The following NKAIN2 variants were observed in gnomAD, a reference collection of about 807,000 sequenced individuals.
The protein encoded by NKAIN2 is sodium/potassium-transporting ATPase subunit beta-1-interacting protein 2.
NKAIN2 carries 14 observed loss-of-function variants against 32.6 expected under a neutral mutation model. The observed-to-expected ratio is 0.43, with a 90% CI of 0.28 to 0.67. The LOEUF is 0.67. Among genes scored for constraint, NKAIN2 ranks in the 30% least tolerant of loss-of-function variants. The probability of loss-of-function intolerance (pLI) is 0.17; values close to 1 mark genes in which losing one functional copy is unlikely to be tolerated. For synonymous variants in NKAIN2, 80 were observed against 87.2 expected (o/e 0.92, Z 0.46); for missense variants, 198 against 258.3 (o/e 0.77, Z 1.60).
intron 1 of NKAIN2, among the ~76,000 whole-genome samples, chr6:124,077,155 G>A (rs750209961): frequency 1.3e-4 from 20 of 152,278 alleles, no homozygotes; most frequent in Admixed American, 5.2e-4. Flanking sequence ...ATCAGTTACT[G>A]TTTTGTGCTG....
At chr6:124,215,246 G>A (rs1791407149) in intron 1 of NKAIN2, among the ~76,000 whole-genome samples, 1 of 152,084 alleles carries the variant, frequency 6.6e-6, no homozygotes. Flanking sequence ...CTCAGGAAAT[G>A]TAGCCAAACT....
At chr6:124,632,196 T>A (rs1783596486) in intron 3 of NKAIN2, among the ~76,000 whole-genome samples, 1 of 152,194 alleles carries the variant, frequency 6.6e-6, no homozygotes, top group South Asian at 2.1e-4. Flanking sequence ...GTAATTCTTT[T>A]CACAAGACTT....
chr6:123,994,742 G>A lies in NKAIN2; in HGVS notation c.54+190488G>A, dbSNP rs754793323. On this transcript the variant is annotated intron_variant, in intron 1 of 6. Coordinates refer to ENST00000368417, the MANE Select transcript of NKAIN2 (RefSeq NM_001040214.3). ...ATTAAAGTTTGATTTACTGTTAAAC[G>A]TATTAAATGTGATATCCCTCCATAC... Among the ~76,000 whole-genome samples the A allele has an allele frequency of 3.9e-5, 6 of 152,172 alleles. No homozygotes were observed. The East Asian group carries it at 9.7e-4, about 24-fold the overall frequency.
intron 1 of NKAIN2, among the ~76,000 whole-genome samples, chr6:124,148,669 G>A (rs1787550867): frequency 2.6e-5 from 4 of 152,028 alleles, no homozygotes; most frequent in Admixed American, 2.6e-4. Flanking sequence ...TTTCATTATA[G>A]AACAATATTT....
At chr6:124,737,174 A>T (rs193005439) in intron 4 of NKAIN2, among the ~76,000 whole-genome samples, 2 of 151,970 alleles carry the variant, frequency 1.3e-5, no homozygotes, top group African/African-American at 4.8e-5. Flanking sequence ...TAGCCACCCA[A>T]ATCTCATCTT....
At chr6:124,106,897 GTCAC>G (rs1481991023) in intron 1 of NKAIN2, among the ~76,000 whole-genome samples, 3 of 152,140 alleles carry the variant, frequency 2.0e-5, no homozygotes, top group Admixed American at 1.3e-4. Flanking sequence ...TGGAAAGAGA[GTCAC>G]TCACACACAA....
chr6:124,584,281 T>TA (rs889207954), intron 3 of NKAIN2, among the ~76,000 whole-genome samples: 2 of 151,986 alleles, frequency 1.3e-5, no homozygotes, highest in Admixed American at 1.3e-4. Flanking sequence ...TATAAGAAAC[T>TA]AAAAAAATTA....
At chr6:124,773,063 C>A (rs1778832846) in intron 4 of NKAIN2, among the ~76,000 whole-genome samples, 2 of 152,134 alleles carry the variant, frequency 1.3e-5, no homozygotes, top group Admixed American at 6.5e-5. Context: ...GATGTGAGAA[C>A]TGCAAGACCC....
chr6:124,239,837 TA>T (rs1792981006), intron 1 of NKAIN2, among the ~76,000 whole-genome samples: 1 of 151,964 alleles, frequency 6.6e-6, no homozygotes, highest in South Asian at 2.1e-4. Flanking sequence ...TTAAAAGAAC[TA>T]GAGCAGCAAG....
intron 4 of NKAIN2, among the ~76,000 whole-genome samples, chr6:124,747,903 G>T (rs1280282089): frequency 6.6e-6 from 1 of 151,808 alleles, no homozygotes; most frequent in African/African-American, 2.4e-5. Flanking sequence ...ATTTCCTCAT[G>T]ATATAGTCTT....
At chr6:124,549,915 T>C (rs1293230191) in intron 3 of NKAIN2, among the ~76,000 whole-genome samples, 1 of 152,156 alleles carries the variant, frequency 6.6e-6, no homozygotes, top group Non-Finnish European at 1.5e-5. Context: ...GTGTCTTCCA[T>C]GAGTCTCCGT....
chr6:123,876,186 C>T (rs1773162148), intron 1 of NKAIN2, among the ~76,000 whole-genome samples: 1 of 152,126 alleles, frequency 6.6e-6, no homozygotes, highest in Non-Finnish European at 1.5e-5. Flanking sequence ...TCTGTCTGCT[C>T]ATACATATCT....
At chr6:124,253,144 T>C (rs1793761858) in intron 1 of NKAIN2, among the ~76,000 whole-genome samples, 2 of 152,318 alleles carry the variant, frequency 1.3e-5, no homozygotes, top group South Asian at 4.1e-4. Context: ...GGTCTATCCC[T>C]GTATTTATTT....
At chr6:123,871,096 T>C (rs1484420486) in intron 1 of NKAIN2, among the ~76,000 whole-genome samples, 1 of 152,212 alleles carries the variant, frequency 6.6e-6, no homozygotes, top group Non-Finnish European at 1.5e-5. Flanking sequence ...ATTTGGCTTC[T>C]TTCTGCCATC....
At chr6:124,483,726 G>T (rs930957798) in intron 3 of NKAIN2, among the ~76,000 whole-genome samples, 1 of 151,988 alleles carries the variant, frequency 6.6e-6, no homozygotes, top group African/African-American at 2.4e-5. Context: ...AACCATATGA[G>T]AATCTTGATT....
intron 3 of NKAIN2, among the ~76,000 whole-genome samples, chr6:124,635,248 CTTAAAG>C (rs1442049013): frequency 5.3e-5 from 8 of 151,820 alleles, no homozygotes; most frequent in African/African-American, 7.3e-5. Context: ...AGTTCTTTAT[CTTAAAG>C]TTAAAGGATA....
chr6:124,714,870 T>C (rs1354134447), intron 4 of NKAIN2, among the ~76,000 whole-genome samples: 1 of 152,144 alleles, frequency 6.6e-6, no homozygotes, highest in African/African-American at 2.4e-5. Context: ...GAAGCAGGTA[T>C]GCCTGACTGA....
intron 2 of NKAIN2, among the ~76,000 whole-genome samples, chr6:124,331,345 CAAAAAAAAAAAAAAAAAAAAAAA>C (rs1162529828): frequency 9.6e-5 from 2 of 20,814 alleles, no homozygotes; most frequent in African/African-American, 3.5e-4. Context: ...ACTAAATATA[CAAAAAAAAAAAAAAAAAAAAAAA>C]AAAAAAAAAA....
chr6:124,654,810 T>A (rs1276362086), intron 3 of NKAIN2, among the ~76,000 whole-genome samples: 1 of 152,168 alleles, frequency 6.6e-6, no homozygotes, highest in Non-Finnish European at 1.5e-5. Flanking sequence ...TGCCAAATAT[T>A]ACCAGCACAC....
Sources: allele counts gnomAD v4.1 joint callset (sites outside exome capture counted in the v4.1 genomes callset), GRCh38; gene constraint gnomAD v4.1.1; transcripts MANE v1.5; gene names NCBI Gene and HGNC (gene_info 2026-07-23, HGNC 2026-07-21).